TNFAIP8: variants seen among roughly 807,000 people sequenced by gnomAD.
TNFAIP8 encodes TNF alpha induced protein 8, also known as tumor necrosis factor alpha-induced protein 8.
Under a neutral mutation model 13.3 loss-of-function variants are expected in TNFAIP8, and 7 were observed. The ratio of observed to expected loss-of-function variants is 0.52; its 90% CI spans 0.30 to 0.99. The LOEUF is 0.99. Ranked by LOEUF, TNFAIP8 falls within the 50% of genes least tolerant of loss-of-function variation. The probability of loss-of-function intolerance (pLI) is 0.07; values close to 1 mark genes in which losing one functional copy is unlikely to be tolerated. For synonymous variants in TNFAIP8, 94 were observed against 87.6 expected (o/e 1.07, Z -0.41); for missense variants, 258 against 236.9 (o/e 1.09, Z -0.58).
At chr5:119,359,582 G>A (rs140176654) in intron 1 of TNFAIP8, among the ~76,000 whole-genome samples, 2 of 151,690 alleles carry the variant, frequency 1.3e-5, no homozygotes, top group Admixed American at 6.6e-5. Flanking sequence ...TAGTTGTTCC[G>A]TAGTGGTGAT....
chr5:119,295,311 G>T (rs1749141623), intron 1 of TNFAIP8, among the ~76,000 whole-genome samples: 2 of 150,846 alleles, frequency 1.3e-5, no homozygotes, highest in South Asian at 2.1e-4. Flanking sequence ...TTTGTATAAG[G>T]TGTAAGGAAG....
At chr5:119,305,085 A>C (rs1320894657) in intron 1 of TNFAIP8, among the ~76,000 whole-genome samples, 1 of 152,194 alleles carries the variant, frequency 6.6e-6, no homozygotes, top group Non-Finnish European at 1.5e-5. Context: ...AGCTATTGGA[A>C]GTGTAGATTC....
intron 1 of TNFAIP8, chr5:119,269,022 TGTGA>T: frequency 6.7e-6 from 4 of 597,856 alleles, no homozygotes; most frequent in East Asian, 3.0e-5. Context: ...CTGAAGCGAG[TGTGA>T]GTGAGTGTGA....
chr5:119,335,402 CAT>C (rs910343992), intron 1 of TNFAIP8, among the ~76,000 whole-genome samples: 12 of 152,070 alleles, frequency 7.9e-5, no homozygotes, highest in African/African-American at 2.9e-4. Context: ...TGTAAATGTC[CAT>C]CAGCTTAAGG....
rs577466765 is a variant in TNFAIP8, at chr5:119,316,517, A to C, written c.1+47610A>C. Among the ~76,000 whole-genome samples, 6 of 152,128 alleles carry C rather than the reference A, an allele frequency of 3.9e-5. No homozygotes were observed. The South Asian group carries it at 1.2e-3, about 31-fold the overall frequency. On this transcript the variant is annotated intron_variant, in intron 1 of 1. Transcript: ENST00000274456. ...TGATTCTGGTACCAAGATAAAGAAGACCCTAGTGTGGAGAGATACAATGCA... is the reference window on the plus strand; with the variant it reads ...TGATTCTGGTACCAAGATAAAGAAGCCCCTAGTGTGGAGAGATACAATGCA...
At chr5:119,322,308 A>G (rs943801446) in intron 1 of TNFAIP8, among the ~76,000 whole-genome samples, 1 of 152,156 alleles carries the variant, frequency 6.6e-6, no homozygotes, top group Non-Finnish European at 1.5e-5. Context: ...TGACCTATAC[A>G]TACTTGTGGC....
upstream of TNFAIP8, chr5:119,355,488 G>A (rs1278447499): frequency 1.3e-5 from 8 of 611,854 alleles, no homozygotes; most frequent in African/African-American, 1.9e-5. Flanking sequence ...CCCCATGGAC[G>A]ATATCCATGC....
At chr5:119,287,395 C>G (rs577047450) in intron 1 of TNFAIP8, among the ~76,000 whole-genome samples, 1 of 145,542 alleles carries the variant, frequency 6.9e-6, no homozygotes, top group South Asian at 2.3e-4. Flanking sequence ...GTAATGATTA[C>G]CACAGTCAAG....
chr5:119,306,009 C>G (rs1262685563), intron 1 of TNFAIP8, among the ~76,000 whole-genome samples: 2 of 152,202 alleles, frequency 1.3e-5, no homozygotes, highest in African/African-American at 2.4e-5. Context: ...CTGCGCCGCC[C>G]TGCCCTCAAC....
chr5:119,293,852 A>G (rs532689217), intron 1 of TNFAIP8, among the ~76,000 whole-genome samples: 7 of 152,296 alleles, frequency 4.6e-5, no homozygotes, highest in African/African-American at 1.7e-4. Context: ...GAAAATTTGA[A>G]TAATAAAAAG....
intron 1 of TNFAIP8, 50 bp downstream of exon 1, chr5:119,356,171 T>G: frequency 1.3e-6 from 2 of 1,507,088 alleles, no homozygotes; most frequent in Non-Finnish European, 1.8e-6. Context: ...CGGAGGAATT[T>G]GGAGGAAGGC....
At chr5:119,274,414 C>T (rs1748380259) in intron 1 of TNFAIP8, among the ~76,000 whole-genome samples, 1 of 152,192 alleles carries the variant, frequency 6.6e-6, no homozygotes, top group African/African-American at 2.4e-5. Context: ...TACTGTTTTG[C>T]TACACTTGAA....
chr5:119,335,772 A>G (rs902328690), intron 1 of TNFAIP8, among the ~76,000 whole-genome samples: 2 of 152,080 alleles, frequency 1.3e-5, no homozygotes, highest in African/African-American at 4.8e-5. Context: ...AGGTGTGGGC[A>G]ATAAACATCA....
At chr5:119,381,228 C>G (rs1248692578) in intron 1 of TNFAIP8, among the ~76,000 whole-genome samples, 1 of 152,162 alleles carries the variant, frequency 6.6e-6, no homozygotes, top group Non-Finnish European at 1.5e-5. Context: ...CCTCTCCCTG[C>G]CAAACAAAGC....
intron 1 of TNFAIP8, among the ~76,000 whole-genome samples, chr5:119,337,056 G>T (rs909033931): frequency 2.0e-5 from 3 of 152,168 alleles, no homozygotes. Flanking sequence ...AGAAGAAAAT[G>T]ACTTTGTGCT....
At chr5:119,390,461 G>A (rs1237311068) in intron 1 of TNFAIP8, among the ~76,000 whole-genome samples, 3 of 152,098 alleles carry the variant, frequency 2.0e-5, no homozygotes, top group Non-Finnish European at 4.4e-5. Context: ...AATCATTGAA[G>A]AATAGGAATA....
Position 119,399,350 on chromosome 5 carries a change from G to A in TNFAIP8, c.*5969G>A, listed in dbSNP as rs536854151. ...CATGTTGTCTCTGAAATTTGCATAAGAGCAATTACCTCATATTCTAATTTT... is the reference window on the plus strand; with the variant it reads ...CATGTTGTCTCTGAAATTTGCATAAAAGCAATTACCTCATATTCTAATTTT... On this transcript the variant is annotated 3_prime_UTR_variant, in exon 2 of 2. Coordinates refer to ENST00000504771, the MANE Select transcript of TNFAIP8 (RefSeq NM_014350.4). 7 of 152,282 alleles carry A rather than the reference G, an allele frequency of 4.6e-5. No individual in the cohort carries two copies. The highest frequency in any genetic ancestry group is 1.4e-4 in the African/African-American group (6 of 41,544). 9.4% of individuals were successfully genotyped at this position (152,282 alleles called of 1,614,324 possible).
chr5:119,396,171 G>C lies in TNFAIP8; in HGVS notation c.*2790G>C, dbSNP rs1753067527. 6.6e-6 allele frequency: 1 copy of C among 152,170 alleles called. No homozygotes were observed. Among genetic ancestry groups the C allele is most frequent in the African/African-American group, 2.4e-5 (1 of 41,428 alleles). The allele number at this position is 152,170 out of a possible 1,614,324, so 9.4% of individuals were successfully genotyped here. On this transcript the variant is annotated 3_prime_UTR_variant, in exon 2 of 2. Coordinates refer to ENST00000504771, the MANE Select transcript of TNFAIP8 (RefSeq NM_014350.4). Reference sequence around the variant, plus strand: ...TCTTATTTTCACTTAAAGATGATATGGCTAAAGGCAGTGCTAGGAACATCT... The same window carrying C: ...TCTTATTTTCACTTAAAGATGATATCGCTAAAGGCAGTGCTAGGAACATCT...
At chr5:119,337,262 G>A (rs935880569) in intron 1 of TNFAIP8, among the ~76,000 whole-genome samples, 2 of 152,104 alleles carry the variant, frequency 1.3e-5, no homozygotes, top group African/African-American at 4.8e-5. Context: ...GCATTTGTTT[G>A]TATAGCACTA....
Sources: gnomAD v4.1 joint callset for allele counts (sites outside exome capture counted in the v4.1 genomes callset) on GRCh38, gnomAD v4.1.1 for gene constraint, MANE v1.5 for transcripts, NCBI Gene and HGNC (gene_info 2026-07-23, HGNC 2026-07-21) for gene names.